Variants in DNAH2 observed in about 807,000 individuals in gnomAD.
The protein encoded by DNAH2 is dynein axonemal heavy chain 2.
A neutral mutation model predicts 523.5 loss-of-function variants in DNAH2; 323 were observed. The ratio of observed to expected loss-of-function variants is 0.62; its 90% CI spans 0.56 to 0.68. DNAH2 has a LOEUF of 0.68. DNAH2 is among the 30% of genes least tolerant of loss of function. DNAH2 has a pLI of 0.00. For synonymous variants in DNAH2, 2,093 were observed against 2,177.4 expected, an observed-to-expected ratio of 0.96 and a Z score of 1.08; for missense variants, 4,907 against 5,701.5, an observed-to-expected ratio of 0.86 and a Z score of 4.49.
At chr17:7,729,847 C>G (rs762058388) in intron 4 of DNAH2, among the ~76,000 whole-genome samples, 2 of 152,172 alleles carry the variant, frequency 1.3e-5, no homozygotes, top group African/African-American at 4.8e-5. Flanking sequence ...ATAAAACACC[C>G]AACCCTTTCA....
Position 7,770,926 on chromosome 17 carries a change from A to G in DNAH2, c.4355A>G (p.Tyr1452Cys), listed in dbSNP as rs1258189603. Reference sequence around the variant, plus strand: ...CTCACAGTGCAGCGTCAGTGGATGTACTTAGAGGTCAGGACTCAGCGCCTG... The same window carrying G: ...CTCACAGTGCAGCGTCAGTGGATGTGCTTAGAGGTCAGGACTCAGCGCCTG... ...MILTVQRQWM[Y>C]LENIFLGEDI... The change falls in exon 27 of 86, where the codon TAC (tyrosine) becomes TGC (cysteine). Residue 1452 changes from tyrosine (Y) to cysteine (C), a missense_variant. By Grantham distance (194) the Tyr-to-Cys change is radical (BLOSUM62 -2). This residue lies in a region of DNAH2 where 2,806 missense variants were observed against 3,190.8 expected (regional missense o/e 0.88). Transcript: ENST00000572933. The G allele has an allele frequency of 6.2e-7, 1 of 1,613,590 alleles. No individual in the cohort carries two copies. Among genetic ancestry groups the G allele is most frequent in the Admixed American group, 1.7e-5 (1 of 60,010 alleles).
At chr17:7,738,041 A>G (rs1381487121) in intron 8 of DNAH2, 1 of 703,452 alleles carries the variant, frequency 1.4e-6, no homozygotes, top group Non-Finnish European at 2.6e-6. Flanking sequence ...CTCTTCCAGC[A>G]AGGAGGACCT....
In DNAH2 at chr17:7,819,232, G is replaced by T. The variant is rs763374646; in HGVS notation, c.10839G>T (p.Arg3613=). 2 of 1,613,784 alleles carry T rather than the reference G, an allele frequency of 1.2e-6. No individual in the cohort carries two copies. The part of the protein sequence containing the change: ...AREAYRPCAQ[R]ASILFFVLND... ...AGGCTTACCGCCCATGCGCCCAGCG[G>T]GCATCAATCCTGTTCTTCGTGCTCA... is the stretch of plus-strand genomic sequence containing the variant. Residue 3613 remains arginine, a synonymous_variant, in exon 72 of 86, where the codon CGG becomes CGT. Transcript: ENST00000572933.
At chr17:7,810,266 T>C (rs2077477185) in intron 63 of DNAH2, among the ~76,000 whole-genome samples, 1 of 152,038 alleles carries the variant, frequency 6.6e-6, no homozygotes, top group East Asian at 1.9e-4. Context: ...GGTTTCACCA[T>C]GTTGCCCAGT....
chr17:7,805,772 T>G (rs2077351321), intron 61 of DNAH2, among the ~76,000 whole-genome samples: 1 of 152,050 alleles, frequency 6.6e-6, no homozygotes, highest in African/African-American at 2.4e-5. Context: ...GAGGATCGTT[T>G]AAACCTGGAA....
At position 7,786,480 on chromosome 17, in the gene DNAH2, G is replaced by C. The variant is rs1237638142; in HGVS notation, c.6349-90G>C. On this transcript the variant is annotated intron_variant, in intron 40 of 85. Coordinates refer to ENST00000572933, the MANE Select transcript of DNAH2 (RefSeq NM_020877.5). The surrounding 1 kb of genome is among the most constrained non-coding windows in gnomAD (Gnocchi z 7.5). ...ATGGTGGCCTGGAGCGATGAGAGAA[G>C]GGACAAATGCACGTACCTAAGAGGG... 6 of 1,476,284 alleles carry C rather than the reference G, an allele frequency of 4.1e-6. No individual in the cohort carries two copies. The highest frequency in any genetic ancestry group is 5.6e-6 in the Non-Finnish European group (6 of 1,072,986). 91.4% of individuals were successfully genotyped at this position (1,476,284 alleles called of 1,614,324 possible).
chr17:7,766,576 G>A, intron 22 of DNAH2, 95 bp downstream of exon 22: 1 of 1,318,362 alleles, frequency 7.6e-7, no homozygotes, highest in Non-Finnish European at 1.0e-6. Context: ...TGGGAAGGGA[G>A]AGGAGCTCAC....
At position 7,804,286 on chromosome 17, in the gene DNAH2, G is replaced by T; in HGVS notation, c.9003G>T (p.Leu3001=). Residue 3001 remains leucine (L), a synonymous_variant, in exon 59 of 86, where the codon CTG becomes CTT. Coordinates refer to ENST00000572933, the MANE Select transcript of DNAH2 (RefSeq NM_020877.5). The stretch of plus-strand genomic sequence containing the variant: ...TGGGAGAAAAACGGCAGGAGCTGCT[G>T]GCCCAAGCCAATAAACTGCGGACAG... ...KLLGEKRQEL[L]AQANKLRTGL... is the part of the protein sequence containing the mutation. 6.2e-7 allele frequency: 1 copy of T among 1,614,138 alleles called. No individual in the cohort carries two copies. The highest frequency in any genetic ancestry group is 8.5e-7 in the Non-Finnish European group (1 of 1,180,032).
intron 6 of DNAH2, 71 bp downstream of exon 6, chr17:7,734,364 A>G: frequency 6.2e-7 from 1 of 1,601,768 alleles, no homozygotes; most frequent in Non-Finnish European, 8.5e-7. Context: ...TCGGATGCTG[A>G]CAATGGAGTT....
In DNAH2 at chr17:7,739,877, C is replaced by A. The variant is rs780561313; in HGVS notation, c.1315C>A (p.Arg439=). 15 of 1,613,968 alleles carry A rather than the reference C, an allele frequency of 9.3e-6. No individual in the cohort carries two copies. The South Asian group carries it at 9.9e-5, about 11-fold the overall frequency. Reference sequence around the variant, plus strand: ...CTTTCATAAAAATCTGCACACGCTGCGAGCCGTTCGCGGGGGTATCCTGGA... The same window carrying A: ...CTTTCATAAAAATCTGCACACGCTGAGAGCCGTTCGCGGGGGTATCCTGGA... ...DIFHKNLHTL[R]AVRGGILDVK... is the part of the protein sequence containing the mutation. Residue 439 remains arginine, a synonymous_variant, in exon 9 of 86, where the codon CGA becomes AGA. Coordinates refer to ENST00000572933, the MANE Select transcript of DNAH2 (RefSeq NM_020877.5).
chr17:7,826,583 A>G (rs1449837176), intron 77 of DNAH2, among the ~76,000 whole-genome samples: 1 of 117,538 alleles, frequency 8.5e-6, no homozygotes, highest in Non-Finnish European at 1.6e-5. Flanking sequence ...TCTGTCGCCC[A>G]GGCTGGAGCG....
chr17:7,765,747 C>T (rs993715801), intron 21 of DNAH2, among the ~76,000 whole-genome samples, 182 bp downstream of exon 21: 1 of 151,688 alleles, frequency 6.6e-6, no homozygotes, highest in African/African-American at 2.4e-5. Flanking sequence ...TTTGGGTAGA[C>T]AGCGGCGCAG....
In DNAH2 at chr17:7,792,964, C is replaced by T. The variant is rs138624162; in HGVS notation, c.7345-17C>T. ...CTCTCAGGGGACCCACACATTCATT[C>T]GGTACCTTTTCACCAGACCACATCC... On this transcript the variant is annotated splice_polypyrimidine_tract_variant and intron_variant, in intron 47 of 85. Transcript: ENST00000572933. 1.9e-4 allele frequency: 306 copies of T among 1,602,634 alleles called. 2 individuals are homozygous for T. In the African/African-American group the frequency reaches 3.0e-3, roughly 16 times the overall value.
chr17:7,827,592 C>CCTGCCACCCTACCCAG (rs1199248289), intron 77 of DNAH2, among the ~76,000 whole-genome samples: 1 of 151,938 alleles, frequency 6.6e-6, no homozygotes, highest in Non-Finnish European at 1.5e-5. Flanking sequence ...ATTACAGGCA[C>CCTGCCACCCTACCCAG]CTGCCACCCT....
chr17:7,801,936 C>T lies in DNAH2; in HGVS notation c.8891C>T (p.Ser2964Phe), dbSNP rs773032019. ...VTMHWSVAQY[S>F]QKMLLELRRH... Reference sequence around the variant, plus strand: ...ATGCACTGGTCAGTAGCTCAGTATTCCCAGAAGATGCTGTTGGAACTGCGG... The same window carrying T: ...ATGCACTGGTCAGTAGCTCAGTATTTCCAGAAGATGCTGTTGGAACTGCGG... Residue 2964 changes from serine to phenylalanine, a missense_variant, in exon 58 of 86, where the codon TCC becomes TTC. By Grantham distance (155) the Ser-to-Phe change is radical. Transcript: ENST00000572933. The T allele has an allele frequency of 1.2e-6, 2 of 1,614,206 alleles. No homozygotes were observed. The highest frequency in any genetic ancestry group is 2.2e-5 in the South Asian group (2 of 91,090).
At chr17:7,826,903 A>G (rs2078036961) in intron 77 of DNAH2, among the ~76,000 whole-genome samples, 1 of 151,946 alleles carries the variant, frequency 6.6e-6, no homozygotes, top group Admixed American at 6.6e-5. Flanking sequence ...GCCTCTTCCC[A>G]ATCTCATCAC....
intron 63 of DNAH2, among the ~76,000 whole-genome samples, chr17:7,810,067 CT>C (rs578080579): frequency 0.23 from 28,724 of 126,942 alleles, 3,136 homozygotes; most frequent in Middle Eastern, 0.37. Context: ...TCTTTTTTTT[CT>C]TTTTTTTTTT....
At chr17:7,726,678 T>C (rs578097930) in intron 3 of DNAH2, among the ~76,000 whole-genome samples, 59 of 152,246 alleles carry the variant, frequency 3.9e-4, no homozygotes, top group African/African-American at 1.4e-3. Flanking sequence ...TACCTAGTAT[T>C]TTACACTTCT....
intron 50 of DNAH2, 74 bp from the exon 51 acceptor site, chr17:7,797,102 A>C (rs1301108389): frequency 7.7e-4 from 118 of 152,748 alleles, no homozygotes; most frequent in Non-Finnish European, 1.1e-3. Flanking sequence ...ACTCTGTCCC[A>C]AAAAAAAAAA....
Sources: allele counts gnomAD v4.1 joint callset (sites outside exome capture counted in the v4.1 genomes callset), GRCh38; gene constraint gnomAD v4.1.1; regional missense constraint gnomAD v4.1.1; non-coding constraint Gnocchi (gnomAD v3.1); transcripts MANE v1.5; gene names NCBI Gene and HGNC (gene_info 2026-07-23, HGNC 2026-07-21).